The following DLG2 variants were observed in gnomAD, a reference collection of about 807,000 sequenced individuals.
The protein encoded by DLG2 is disks large homolog 2.
DLG2 carries 45 observed loss-of-function variants against 132.5 expected under a neutral mutation model. That is an observed-to-expected ratio of 0.34 (90% CI 0.27 to 0.44). The LOEUF is 0.44. DLG2 is among the 20% of genes least tolerant of loss of function. The pLI, the probability that DLG2 is intolerant of heterozygous loss-of-function variation, is 1.00. For synonymous variants in DLG2, 424 were observed against 419.6 expected (o/e 1.01, Z -0.13); for missense variants, 1,045 against 1,196.9 (o/e 0.87, Z 1.87).
chr11:84,423,258 T>C (rs1440348790), intron 7 of DLG2, among the ~76,000 whole-genome samples: 3 of 152,172 alleles, frequency 2.0e-5, no homozygotes, highest in East Asian at 1.9e-4. Flanking sequence ...GCAAATTTTA[T>C]ATTATGTTTA....
intron 7 of DLG2, among the ~76,000 whole-genome samples, chr11:84,340,823 G>A (rs1217772693): frequency 1.6e-5 from 2 of 125,682 alleles, no homozygotes; most frequent in African/African-American, 4.2e-5. Context: ...TATGGGGCTA[G>A]TGTTAAAGGG....
chr11:85,471,434 G>T lies in DLG2; in HGVS notation c.40+127223C>A, dbSNP rs576097412. Among the ~76,000 whole-genome samples, 261 of 152,030 alleles carry T rather than the reference G, an allele frequency of 1.7e-3. 1 individual carries two copies. The highest frequency in any genetic ancestry group is 3.5e-3 in the South Asian group (17 of 4,824). ...TTGAAAAAAGGGAACAATCTGAAAA[G>T]GACTATAAAATGATGGTATTTAAAT... On this transcript the variant is annotated intron_variant, in intron 3 of 27. Coordinates refer to ENST00000376104, the MANE Select transcript of DLG2 (RefSeq NM_001142699.3).
chr11:85,557,417 A>G (rs2153222966), intron 3 of DLG2, among the ~76,000 whole-genome samples: 1 of 152,034 alleles, frequency 6.6e-6, no homozygotes, highest in Non-Finnish European at 1.5e-5. Flanking sequence ...TTCCCATCAA[A>G]CTACCAACAT....
chr11:83,493,513 T>G (rs562289070), intron 21 of DLG2, among the ~76,000 whole-genome samples: 1 of 152,186 alleles, frequency 6.6e-6, no homozygotes, highest in Admixed American at 6.6e-5. Context: ...CACTGCCATC[T>G]CTCTGGTGCC....
intron 10 of DLG2, among the ~76,000 whole-genome samples, chr11:84,079,386 C>T (rs2096872660): frequency 6.6e-6 from 1 of 151,986 alleles, no homozygotes; most frequent in Admixed American, 6.6e-5. Flanking sequence ...TGGGTTCCAG[C>T]AATTCTCATG....
chr11:84,181,966 G>T (rs1032534112), intron 8 of DLG2, among the ~76,000 whole-genome samples: 2 of 149,534 alleles, frequency 1.3e-5, no homozygotes, highest in East Asian at 3.8e-4. Context: ...AAATGGATGG[G>T]CCTAGCAGGC....
rs1326290564 is a variant in DLG2, at chr11:84,070,918, C to CAGA, written c.750-11435_750-11434insTCT. On this transcript the variant is annotated intron_variant, in intron 10 of 27. Transcript: ENST00000376104. ...AAATGGAGCAGAGTCTGAAATTAAT[C>CAGA]TTATCTCTTCCCCATAGACAACCCT... Among the ~76,000 whole-genome samples the CAGA allele has an allele frequency of 3.3e-4, 50 of 152,306 alleles. 1 individual carries two copies. Among genetic ancestry groups the CAGA allele is most frequent in the Admixed American group, 3.2e-3 (49 of 15,300 alleles).
chr11:83,500,852 C>T (rs998730430), intron 21 of DLG2, among the ~76,000 whole-genome samples: 1 of 152,026 alleles, frequency 6.6e-6, no homozygotes, highest in African/African-American at 2.4e-5. Context: ...GTGTCATTTT[C>T]TTTGCCAATT....
At chr11:84,849,226 C>T (rs773628407) in intron 6 of DLG2, among the ~76,000 whole-genome samples, 5 of 152,150 alleles carry the variant, frequency 3.3e-5, no homozygotes, top group African/African-American at 4.8e-5. Context: ...CAAGTCAACT[C>T]ATAGAACACT....
intron 6 of DLG2, among the ~76,000 whole-genome samples, chr11:84,575,302 T>A (rs2099496647): frequency 6.6e-6 from 1 of 152,066 alleles, no homozygotes; most frequent in Non-Finnish European, 1.5e-5. Flanking sequence ...TTACTTATAG[T>A]TCCTCCTGAT....
chr11:84,280,857 T>G (rs960286934), intron 7 of DLG2, among the ~76,000 whole-genome samples: 1 of 137,542 alleles, frequency 7.3e-6, no homozygotes, highest in Non-Finnish European at 1.6e-5. Context: ...CCTGCCACCA[T>G]GCCCAGCCAA....
intron 6 of DLG2, among the ~76,000 whole-genome samples, chr11:84,656,470 A>G (rs2099688427): frequency 1.3e-5 from 2 of 152,210 alleles, no homozygotes; most frequent in African/African-American, 4.8e-5. Context: ...GAGTATAGCC[A>G]AATGTAGTGG....
intron 6 of DLG2, among the ~76,000 whole-genome samples, chr11:85,006,473 C>T (rs1366821196): frequency 1.3e-5 from 2 of 151,952 alleles, no homozygotes; most frequent in African/African-American, 4.8e-5. Flanking sequence ...ATGTGTCCAG[C>T]AATTTGTCCA....
intron 6 of DLG2, among the ~76,000 whole-genome samples, chr11:84,943,899 T>C (rs1467195216): frequency 2.0e-5 from 3 of 152,198 alleles, no homozygotes; most frequent in Non-Finnish European, 4.4e-5. Flanking sequence ...GCTAAAGAAC[T>C]CTCTTTAGCA....
intron 4 of DLG2, among the ~76,000 whole-genome samples, chr11:85,205,781 T>G (rs545688537): frequency 6.6e-6 from 1 of 152,278 alleles, no homozygotes; most frequent in Admixed American, 6.5e-5. Context: ...AAGAAAGAGA[T>G]CAGAGTGTGA....
At chr11:85,351,394 C>T (rs2083276061) in intron 3 of DLG2, among the ~76,000 whole-genome samples, 1 of 152,142 alleles carries the variant, frequency 6.6e-6, no homozygotes, top group South Asian at 2.1e-4. Flanking sequence ...TAATTGAATA[C>T]CCTTTATTTC....
chr11:83,774,199 C>G (rs1012018979), intron 18 of DLG2, among the ~76,000 whole-genome samples: 8 of 152,208 alleles, frequency 5.3e-5, no homozygotes, highest in Non-Finnish European at 1.5e-5. Flanking sequence ...ATACTGAAGA[C>G]ATCCTGTAAG....
intron 19 of DLG2, among the ~76,000 whole-genome samples, chr11:83,550,688 G>A (rs2096369209): frequency 6.6e-6 from 1 of 152,166 alleles, no homozygotes; most frequent in Non-Finnish European, 1.5e-5. Flanking sequence ...AAAATTAAAT[G>A]TGGGTAAGAG....
intron 18 of DLG2, among the ~76,000 whole-genome samples, chr11:83,783,954 A>C (rs1346440194): frequency 1.3e-5 from 2 of 152,224 alleles, no homozygotes; most frequent in East Asian, 3.8e-4. Flanking sequence ...AACTAGATTA[A>C]AAAAATCCTT....
Sources: gnomAD v4.1 joint callset for allele counts (sites outside exome capture counted in the v4.1 genomes callset) on GRCh38, gnomAD v4.1.1 for gene constraint, MANE v1.5 for transcripts, NCBI Gene and HGNC (gene_info 2026-07-23, HGNC 2026-07-21) for gene names.